Variants in NMT1 observed in about 807,000 individuals in gnomAD.
The protein encoded by NMT1 is N-myristoyltransferase 1, also known as glycylpeptide N-tetradecanoyltransferase 1.
Under a neutral mutation model 63.4 loss-of-function variants are expected in NMT1, and 12 were observed. That is an observed-to-expected ratio of 0.19 (90% CI 0.12 to 0.31). The LOEUF (loss-of-function observed/expected upper bound fraction) is 0.31, where lower values mean the gene tolerates loss of function less well. NMT1 is among the 10% of genes least tolerant of loss of function. The probability of loss-of-function intolerance (pLI) is 1.00; values close to 1 mark genes in which losing one functional copy is unlikely to be tolerated. For missense variants in NMT1, 432 were observed against 634.6 expected (o/e 0.68, Z 3.43); for synonymous variants, 228 against 234.3 (o/e 0.97, Z 0.25).
At chr17:45,089,281 C>A (rs2054073339) in intron 3 of NMT1, among the ~76,000 whole-genome samples, 3 of 152,138 alleles carry the variant, frequency 2.0e-5, no homozygotes, top group African/African-American at 7.2e-5. Context: ...CAGTACTCTC[C>A]ACCTTCTTGG....
At chr17:45,097,710 T>C (rs1258042318) in intron 6 of NMT1, among the ~76,000 whole-genome samples, 4 of 152,056 alleles carry the variant, frequency 2.6e-5, no homozygotes, top group Non-Finnish European at 5.9e-5. Context: ...AGTGGTGCGA[T>C]CTTGGTTCAC....
chr17:45,065,940 G>A (rs561379606), intron 1 of NMT1, among the ~76,000 whole-genome samples: 73 of 150,966 alleles, frequency 4.8e-4, no homozygotes, highest in African/African-American at 1.6e-3. Flanking sequence ...TCAAACTCCT[G>A]GGTTCAAGTG....
intron 1 of NMT1, chr17:45,071,297 C>T (rs982566909): frequency 2.0e-5 from 3 of 152,186 alleles, no homozygotes; most frequent in Non-Finnish European, 2.9e-5. Flanking sequence ...TGCCATGGTG[C>T]AGTCCTCCTA....
chr17:45,072,767 G>A (rs2053950746), intron 1 of NMT1, among the ~76,000 whole-genome samples: 1 of 146,876 alleles, frequency 6.8e-6, no homozygotes, highest in Admixed American at 6.8e-5. Context: ...CACCATGTTA[G>A]CCAGGATGGT....
intron 3 of NMT1, among the ~76,000 whole-genome samples, chr17:45,088,177 A>C (rs1296217901): frequency 6.6e-6 from 1 of 152,154 alleles, no homozygotes; most frequent in Non-Finnish European, 1.5e-5. Context: ...GGCTGCCCTC[A>C]TCGGCCAGGT....
At chr17:45,063,069 G>A (rs904762399) in intron 1 of NMT1, among the ~76,000 whole-genome samples, 1 of 151,970 alleles carries the variant, frequency 6.6e-6, no homozygotes, top group African/African-American at 2.4e-5. Context: ...GCCGGGCGTG[G>A]TGGCGGGCGC....
At chr17:45,098,641 C>G in intron 7 of NMT1, 89 bp downstream of exon 7, 5 of 1,235,526 alleles carry the variant, frequency 4.0e-6, no homozygotes, top group South Asian at 1.3e-5. Context: ...CAGCTCCGCC[C>G]TTAGCATCCC....
At chr17:45,100,279 T>C (rs1456783997) in intron 8 of NMT1, among the ~76,000 whole-genome samples, 2 of 151,510 alleles carry the variant, frequency 1.3e-5, no homozygotes, top group African/African-American at 4.8e-5. Context: ...AGAAACGGGG[T>C]TTTGCTGCCA....
intron 1 of NMT1, among the ~76,000 whole-genome samples, chr17:45,065,623 CAAAAAAAAAA>C: frequency 2.4e-5 from 2 of 81,726 alleles, no homozygotes; most frequent in Middle Eastern, 6.6e-3. Flanking sequence ...GACTCTGTCT[CAAAAAAAAAA>C]AAAAAAAAAA....
chr17:45,086,703 C>T (rs2054057387), intron 3 of NMT1, 51 bp downstream of exon 3: 2 of 1,546,682 alleles, frequency 1.3e-6, no homozygotes, highest in South Asian at 1.3e-5. Context: ...GGATCTGCCT[C>T]AGCTGTGCCT....
intron 4 of NMT1, among the ~76,000 whole-genome samples, chr17:45,094,459 C>A (rs1484074720): frequency 6.0e-5 from 9 of 149,692 alleles, no homozygotes; most frequent in South Asian, 2.2e-4. Flanking sequence ...CACCATTGCA[C>A]TCCAGCCCAG....
chr17:45,061,793 C>T (rs1277612187), intron 1 of NMT1: 2 of 192,126 alleles, frequency 1.0e-5, no homozygotes, highest in East Asian at 1.3e-4. Flanking sequence ...CAGTACAGTT[C>T]AAAGGGAACG....
chr17:45,068,180 G>A (rs552119824), intron 1 of NMT1, among the ~76,000 whole-genome samples: 4 of 152,136 alleles, frequency 2.6e-5, no homozygotes, highest in East Asian at 1.9e-4. Flanking sequence ...ATACTAAACC[G>A]GAATTCCTCC....
chr17:45,077,713 T>C (rs1419970859), intron 1 of NMT1, among the ~76,000 whole-genome samples: 1 of 152,190 alleles, frequency 6.6e-6, no homozygotes, highest in African/African-American at 2.4e-5. Flanking sequence ...TTAAATCTTA[T>C]AATGCTTCAC....
In NMT1 at chr17:45,104,720, G is replaced by A. The variant is rs1435230729; in HGVS notation, c.1333-139G>A. The A allele has an allele frequency of 1.6e-5, 24 of 1,481,622 alleles. No homozygotes were observed. In the Middle Eastern group the frequency reaches 6.5e-4, roughly 40 times the overall value. The allele number at this position is 1,481,622 out of a possible 1,614,324, so 91.8% of individuals were successfully genotyped here. ...AACCACCCGGAGAGCGGGGATTAAC[G>A]TGGAAGCAGCGGAGCTTCTGAGGGA... On this transcript the variant is annotated intron_variant, in intron 10 of 11. Transcript: ENST00000258960. This position sits in a 1 kb window ranked among gnomAD's most constrained non-coding sequence, Gnocchi z 4.2.
At position 45,061,458 on chromosome 17, in the gene NMT1, G is replaced by C. The variant is rs143955814; in HGVS notation, c.129G>C (p.Arg43=). Reference sequence around the variant, plus strand: ...ATGAGGAGGACAACAGCTACAACCGGGGGTAACGAAATCCTCGGAGTCCAA... The same window carrying C: ...ATGAGGAGGACAACAGCTACAACCGCGGGTAACGAAATCCTCGGAGTCCAA... ...CENEEDNSYN[R]GGLSPANDTG... The change falls in exon 1 of 12, where the codon CGG becomes CGC. Residue 43 remains arginine (R), a splice_region_variant and synonymous_variant. Transcript: ENST00000258960. 1 of 1,612,280 alleles carries C rather than the reference G, an allele frequency of 6.2e-7. No individual in the cohort carries two copies. The highest frequency in any genetic ancestry group is 8.5e-7 in the Non-Finnish European group (1 of 1,179,324).
Position 45,103,999 on chromosome 17 carries a change from C to T in NMT1, c.1332+123C>T, listed in dbSNP as rs2054186527. 6.3e-7 allele frequency: 1 copy of T among 1,597,460 alleles called. No individual in the cohort carries two copies. The highest frequency in any genetic ancestry group is 1.1e-5 in the South Asian group (1 of 90,320). ...AGGCTCTGAGCCCTCCTCATCTGTT[C>T]TGCTTAGGCAGGGTTCCCGCAGTTT... On this transcript the variant is annotated intron_variant, in intron 10 of 11. Coordinates refer to ENST00000258960, the MANE Select transcript of NMT1 (RefSeq NM_021079.5). This position sits in a 1 kb window ranked among gnomAD's most constrained non-coding sequence, Gnocchi z 4.8.
chr17:45,078,243 G>C (rs1463420139), intron 1 of NMT1, among the ~76,000 whole-genome samples: 1 of 151,392 alleles, frequency 6.6e-6, no homozygotes, highest in South Asian at 2.1e-4. Flanking sequence ...TTTCAAGCAT[G>C]GGGGGGACAC....
Position 45,104,507 on chromosome 17 carries a change from G to A in NMT1, c.1333-352G>A. The A allele has an allele frequency of 8.9e-7, 1 of 1,118,336 alleles. No homozygotes were observed. The highest frequency in any genetic ancestry group is 4.1e-4 in the Middle Eastern group (1 of 2,450). The allele number at this position is 1,118,336 out of a possible 1,614,324, so 69.3% of individuals were successfully genotyped here. On this transcript the variant is annotated intron_variant, in intron 10 of 11. Transcript: ENST00000258960. The surrounding 1 kb of genome is among the most constrained non-coding windows in gnomAD (Gnocchi z 4.2). ...AACACAAACCCCATGTAGCTGACCAGAGCCAGCTTCTCAGAGGAATGGGCT... is the reference window on the plus strand; with the variant it reads ...AACACAAACCCCATGTAGCTGACCAAAGCCAGCTTCTCAGAGGAATGGGCT...
Sources: gnomAD v4.1 joint callset for allele counts (sites outside exome capture counted in the v4.1 genomes callset) on GRCh38, gnomAD v4.1.1 for gene constraint, Gnocchi (gnomAD v3.1) non-coding constraint, MANE v1.5 for transcripts, NCBI Gene and HGNC (gene_info 2026-07-23, HGNC 2026-07-21) for gene names.